RTL4: variants seen among roughly 807,000 people sequenced by gnomAD.
The protein encoded by RTL4 is retrotransposon Gag-like protein 4.
RTL4 carries 4 observed loss-of-function variants against 5.3 expected under a neutral mutation model. The ratio of observed to expected loss-of-function variants is 0.75; its 90% CI spans 0.37 to 1.72. The LOEUF (loss-of-function observed/expected upper bound fraction) is 1.72. Ranked by LOEUF, RTL4 falls within the 40% of genes most tolerant of loss-of-function variation. The pLI, the probability that RTL4 is intolerant of heterozygous loss-of-function variation, is 0.04. For synonymous variants in RTL4, 98 were observed against 87.3 expected (o/e 1.12, Z -0.68); for missense variants, 260 against 227.1 (o/e 1.14, Z -0.93).
chrX:112,127,445 G>A, the RTL4 span, among the ~76,000 whole-genome samples: 1 of 111,550 alleles, frequency 9.0e-6, no homozygotes, highest in East Asian at 2.8e-4. Context: ...ATCATAAAGG[G>A]TATTCATGAA....
At chrX:112,099,964 C>T in the RTL4 span, among the ~76,000 whole-genome samples, 1 of 111,751 alleles carries the variant, frequency 8.9e-6, no homozygotes, top group Admixed American at 9.5e-5. Flanking sequence ...TGACATCAAG[C>T]ATGGCTGTGT....
chrX:112,348,366 TTG>T, the RTL4 span, among the ~76,000 whole-genome samples: 22 of 106,582 alleles, frequency 2.1e-4, no homozygotes, highest in African/African-American at 7.5e-4. Context: ...TAATCTTAAT[TTG>T]TGTTTTTTTT....
chrX:112,326,886 G>C, the RTL4 span, among the ~76,000 whole-genome samples: 5 of 111,629 alleles, frequency 4.5e-5, no homozygotes, highest in Non-Finnish European at 9.4e-5. Flanking sequence ...GCACCCCCCA[G>C]CAGGGGCACA....
the RTL4 span, among the ~76,000 whole-genome samples, chrX:112,236,447 ATATAG>A: frequency 1.2e-5 from 1 of 81,184 alleles, no homozygotes; most frequent in Admixed American, 1.3e-4. Flanking sequence ...CTATATCTAT[ATATAG>A]ATATAGATCT....
At chrX:112,454,830 G>A (rs772746579) in exon 1 of RTL4, 11 of 1,208,752 alleles carry the variant, frequency 9.1e-6, no homozygotes, top group African/African-American at 5.3e-5. Context: ...ATCCAACCAC[G>A]GAGAACACTG....
chrX:112,287,666 C>G, the RTL4 span, among the ~76,000 whole-genome samples: 3 of 111,400 alleles, frequency 2.7e-5, no homozygotes, highest in Admixed American at 9.6e-5. Context: ...CTCTTGCCTC[C>G]AAGTCTAGGC....
At chrX:112,310,855 A>T in the RTL4 span, among the ~76,000 whole-genome samples, 2 of 90,773 alleles carry the variant, frequency 2.2e-5, no homozygotes, top group Non-Finnish European at 4.2e-5. Context: ...AAAATACATT[A>T]TATATATTTA....
chrX:112,412,142 CTAAAG>C, the RTL4 span, among the ~76,000 whole-genome samples: 1 of 111,126 alleles, frequency 9.0e-6, no homozygotes, highest in Non-Finnish European at 1.9e-5. Flanking sequence ...ATCAACATAA[CTAAAG>C]TAGTGAAAGA....
chrX:112,369,032 T>C, the RTL4 span, among the ~76,000 whole-genome samples: 2 of 112,863 alleles, frequency 1.8e-5, no homozygotes, highest in Admixed American at 9.3e-5. Flanking sequence ...TCCAGAGACA[T>C]AGAGTGCCTC....
the RTL4 span, among the ~76,000 whole-genome samples, chrX:112,143,854 C>A: frequency 7.1e-5 from 8 of 111,987 alleles, no homozygotes; most frequent in East Asian, 2.2e-3. Flanking sequence ...TAAAGCACAT[C>A]TTTAGAACTA....
At chrX:112,250,210 C>A in the RTL4 span, among the ~76,000 whole-genome samples, 1 of 108,199 alleles carries the variant, frequency 9.2e-6, no homozygotes, top group Non-Finnish European at 1.9e-5. Flanking sequence ...ACCCGGGAGG[C>A]GGAGCTTGCA....
At chrX:112,083,211 C>T in the RTL4 span, among the ~76,000 whole-genome samples, 25 of 112,445 alleles carry the variant, frequency 2.2e-4, no homozygotes, top group African/African-American at 7.8e-4. Context: ...AGGCTAAGCG[C>T]GGGTGCGGGT....
the RTL4 span, among the ~76,000 whole-genome samples, chrX:112,330,136 C>T: frequency 1.0e-5 from 1 of 98,164 alleles, no homozygotes; most frequent in Non-Finnish European, 2.0e-5. Flanking sequence ...TCCTATTCAA[C>T]ATAGTGTTGG....
chrX:112,162,063 A>G, the RTL4 span, among the ~76,000 whole-genome samples: 1 of 110,153 alleles, frequency 9.1e-6, no homozygotes, highest in Non-Finnish European at 1.9e-5. Flanking sequence ...ATTTCTTCCA[A>G]TTAAACACCG....
At chrX:112,325,204 C>T in the RTL4 span, among the ~76,000 whole-genome samples, 156 of 111,616 alleles carry the variant, frequency 1.4e-3, 2 homozygotes, top group Admixed American at 0.012. Context: ...GAATCAATAT[C>T]GTGAAAATGG....
the RTL4 span, among the ~76,000 whole-genome samples, chrX:112,379,485 T>A: frequency 8.9e-6 from 1 of 112,462 alleles, no homozygotes; most frequent in African/African-American, 3.2e-5. Context: ...TCTTCTTTTT[T>A]AATTCTTCTG....
chrX:112,154,897 A>G, the RTL4 span, among the ~76,000 whole-genome samples: 1 of 111,595 alleles, frequency 9.0e-6, no homozygotes, highest in African/African-American at 3.3e-5. Flanking sequence ...TTAATTGCCA[A>G]TATGATAGTA....
At chrX:112,305,499 A>C in the RTL4 span, among the ~76,000 whole-genome samples, 1 of 110,008 alleles carries the variant, frequency 9.1e-6, no homozygotes, top group South Asian at 3.9e-4. Flanking sequence ...AGTAGCTGGG[A>C]CTACAGGCAC....
At chrX:112,160,057 T>C in the RTL4 span, among the ~76,000 whole-genome samples, 1 of 111,598 alleles carries the variant, frequency 9.0e-6, no homozygotes, top group Non-Finnish European at 1.9e-5. Context: ...TAGGGCTGCA[T>C]GTTGTTTGTC....
Sources: allele counts gnomAD v4.1 joint callset (sites outside exome capture counted in the v4.1 genomes callset), GRCh38; gene constraint gnomAD v4.1.1; transcripts MANE v1.5; gene names NCBI Gene and HGNC (gene_info 2026-07-23, HGNC 2026-07-21).